The following RGPD1 variants were observed in gnomAD, a reference collection of about 807,000 sequenced individuals.
RGPD1 encodes RANBP2 like and GRIP domain containing 1, also known as RANBP2-like and GRIP domain-containing protein 1.
A neutral mutation model predicts 40.6 loss-of-function variants in RGPD1; 7 were observed. That is an observed-to-expected ratio of 0.17 (90% CI 0.10 to 0.32). The LOEUF (loss-of-function observed/expected upper bound fraction) is 0.32. RGPD1 is among the 10% of genes least tolerant of loss of function. The pLI, the probability that RGPD1 is intolerant of heterozygous loss-of-function variation, is 1.00. For missense variants in RGPD1, 50 were observed against 472.5 expected (o/e 0.11, Z 8.29); for synonymous variants, 24 against 167.0 (o/e 0.14, Z 6.60).
At chr2:86,918,324 C>G (rs1330969604) in intron 1 of RGPD1, among the ~76,000 whole-genome samples, 10 of 150,340 alleles carry the variant, frequency 6.7e-5, no homozygotes, top group African/African-American at 2.2e-4. Context: ...CTCCTTCTAG[C>G]TTTGGAGATC....
chr2:86,940,649 G>A (rs1053020262), upstream of RGPD1, among the ~76,000 whole-genome samples: 8 of 151,108 alleles, frequency 5.3e-5, no homozygotes, highest in Admixed American at 4.0e-4. Context: ...AGGCTGGAGT[G>A]CAAAGGCATG....
chr2:86,938,503 G>A (rs1679487687), upstream of RGPD1, among the ~76,000 whole-genome samples: 1 of 144,766 alleles, frequency 6.9e-6, no homozygotes, highest in East Asian at 2.0e-4. Context: ...TATTTAGGTT[G>A]AGGGTAAAGA....
intron 1 of RGPD1, among the ~76,000 whole-genome samples, chr2:86,943,786 G>A (rs1277715657): frequency 6.6e-6 from 1 of 152,160 alleles, no homozygotes; most frequent in Non-Finnish European, 1.5e-5. Context: ...CGAGGAGGGC[G>A]GATTGCCTGA....
At chr2:86,928,720 CA>C (rs369171901) in intron 1 of RGPD1, among the ~76,000 whole-genome samples, 10 of 152,192 alleles carry the variant, frequency 6.6e-5, no homozygotes, top group Non-Finnish European at 1.3e-4. Context: ...AAGGCATTGG[CA>C]ATGAGAAAGT....
chr2:86,926,796 A>G (rs1029869811), intron 1 of RGPD1, among the ~76,000 whole-genome samples: 23 of 152,288 alleles, frequency 1.5e-4, no homozygotes, highest in African/African-American at 5.1e-4. Flanking sequence ...TCTCACAAAT[A>G]CAACCTAGAT....
At chr2:86,943,847 C>G (rs114282409) in intron 1 of RGPD1, among the ~76,000 whole-genome samples, 1 of 151,936 alleles carries the variant, frequency 6.6e-6, no homozygotes, top group Admixed American at 6.6e-5. Flanking sequence ...CTCGTCTCTA[C>G]TAAAAATAGA....
upstream of RGPD1, among the ~76,000 whole-genome samples, chr2:86,938,611 A>AAT (rs1553446686): frequency 5.1e-3 from 778 of 151,520 alleles, 1 homozygote; most frequent in African/African-American, 0.017. Context: ...AAAAAAAAAA[A>AAT]AAATAAATAA....
In RGPD1 at chr2:86,979,185, GA is replaced by G. The variant is rs757253640; in HGVS notation, c.2463+1256del. Among the ~76,000 whole-genome samples the G allele has an allele frequency of 1.7e-3, 154 of 89,922 alleles. 47 individuals are homozygous for G. The highest frequency in any genetic ancestry group is 2.5e-3 in the Non-Finnish European group (125 of 49,370). The allele number at this position is 89,922 out of a possible 152,430, so 59.0% of individuals were successfully genotyped here. On this transcript the variant is annotated intron_variant, in intron 17 of 22. Coordinates refer to ENST00000641458, the MANE Select transcript of RGPD1 (RefSeq NM_001382344.1). Reference sequence around the variant, plus strand: ...GATCAGCAGTATTTGCAAATTGAGAGAATACTATTTGGTGGGGAAGACATTT... The same window carrying G: ...GATCAGCAGTATTTGCAAATTGAGAGATACTATTTGGTGGGGAAGACATTT...
chr2:87,000,347 G>A (rs1205944361), intron 22 of RGPD1, among the ~76,000 whole-genome samples: 7 of 121,760 alleles, frequency 5.7e-5, no homozygotes, highest in Admixed American at 2.3e-4. Context: ...CGTTGCTAAC[G>A]TCCAGGTGGC....
intron 1 of RGPD1, among the ~76,000 whole-genome samples, chr2:86,944,263 C>T (rs1315061412): frequency 1.3e-5 from 2 of 152,020 alleles, no homozygotes; most frequent in Non-Finnish European, 2.9e-5. Context: ...GTCTATTCCT[C>T]CAGAGAAGAA....
intron 1 of RGPD1, among the ~76,000 whole-genome samples, chr2:86,929,415 A>C (rs1224071028): frequency 1.3e-5 from 2 of 151,954 alleles, no homozygotes; most frequent in Non-Finnish European, 2.9e-5. Context: ...AGATTTAGAA[A>C]CTGGTCAGTG....
upstream of RGPD1, among the ~76,000 whole-genome samples, chr2:86,939,404 C>A (rs1158600826): frequency 2.7e-5 from 4 of 149,976 alleles, no homozygotes; most frequent in African/African-American, 9.9e-5. Flanking sequence ...CATGGTGAAA[C>A]CCCGTCTCTA....
chr2:86,913,771 C>G (rs1167051438), upstream of RGPD1: 16 of 1,419,576 alleles, frequency 1.1e-5, no homozygotes, highest in East Asian at 1.9e-4. Flanking sequence ...GGCTTTCAGG[C>G]GCTTTCCTGT....
At chr2:86,942,517 CGGCGGCGGCCTCGACCTGGCCG>C in intron 1 of RGPD1, among the ~76,000 whole-genome samples, 12 of 130,746 alleles carry the variant, frequency 9.2e-5, no homozygotes, top group Non-Finnish European at 1.3e-4. Flanking sequence ...GGCCGGGCGG[CGGCGGCGGCCTCGACCTGGCCG>C]GGCGGCGGCG....
chr2:86,944,997 T>A (rs1463730849), intron 1 of RGPD1, among the ~76,000 whole-genome samples: 3 of 150,452 alleles, frequency 2.0e-5, no homozygotes, highest in African/African-American at 7.3e-5. Flanking sequence ...ATTACAGGTG[T>A]GAGCCACTCT....
chr2:86,971,134 A>C (rs1415473368), intron 8 of RGPD1, among the ~76,000 whole-genome samples: 1 of 31,014 alleles, frequency 3.2e-5, no homozygotes, highest in African/African-American at 3.2e-4. Flanking sequence ...TCCCGGGTTC[A>C]CGCCATTCTC....
chr2:86,920,098 T>G (rs1397056096), intron 1 of RGPD1, among the ~76,000 whole-genome samples: 1 of 151,994 alleles, frequency 6.6e-6, no homozygotes, highest in Non-Finnish European at 1.5e-5. Flanking sequence ...AAGACGGGGT[T>G]TTGCTCTGTC....
At chr2:86,971,121 G>A (rs1189139031) in intron 8 of RGPD1, among the ~76,000 whole-genome samples, 3 of 28,286 alleles carry the variant, frequency 1.1e-4, no homozygotes, top group African/African-American at 3.6e-4. Context: ...TGCAAGCTCC[G>A]CCTCCCGGGT....
chr2:86,923,295 G>A (rs951831041), intron 1 of RGPD1, among the ~76,000 whole-genome samples: 1 of 151,666 alleles, frequency 6.6e-6, no homozygotes, highest in African/African-American at 2.4e-5. Context: ...TGACCTTGGT[G>A]TCCCAAAGTG....
Sources: gnomAD v4.1 joint callset for allele counts (sites outside exome capture counted in the v4.1 genomes callset) on GRCh38, gnomAD v4.1.1 for gene constraint, MANE v1.5 for transcripts, NCBI Gene and HGNC (gene_info 2026-07-23, HGNC 2026-07-21) for gene names.